Variants in SAXO1 observed in about 807,000 individuals in gnomAD.
The protein encoded by SAXO1 is stabilizer of axonemal microtubules 1, also known as 4930500O09Rik.
A neutral mutation model predicts 17.5 loss-of-function variants in SAXO1; 21 were observed. That is an observed-to-expected ratio of 1.20 (90% confidence interval 0.85 to 1.72). SAXO1 has a LOEUF of 1.72. Ranked by LOEUF, SAXO1 falls within the 40% of genes most tolerant of loss-of-function variation. The pLI, the probability that SAXO1 is intolerant of heterozygous loss-of-function variation, is 0.00. For missense variants in SAXO1, 843 were observed against 596.0 expected, an observed-to-expected ratio of 1.41 and a Z score of -4.32; for synonymous variants, 274 against 216.5, an observed-to-expected ratio of 1.27 and a Z score of -2.33.
chr9:19,011,097 T>C (rs1208302335), intron 1 of SAXO1, among the ~76,000 whole-genome samples: 2 of 152,242 alleles, frequency 1.3e-5, no homozygotes. Context: ...TTCAGTTGCA[T>C]AGATTTTAAA....
intron 1 of SAXO1, among the ~76,000 whole-genome samples, chr9:18,966,442 T>C (rs2131776975): frequency 6.6e-6 from 1 of 152,358 alleles, no homozygotes; most frequent in Non-Finnish European, 1.5e-5. Flanking sequence ...TTTTTCCTTT[T>C]CATTCTTTTT....
chr9:19,026,760 G>A, intron 1 of SAXO1: 1 of 426,528 alleles, frequency 2.3e-6, no homozygotes, highest in Non-Finnish European at 4.4e-6. Context: ...GCCGGGCGTG[G>A]TAGCTCACAC....
chr9:19,032,473 A>G (rs558861995), intron 1 of SAXO1, among the ~76,000 whole-genome samples: 5 of 152,236 alleles, frequency 3.3e-5, no homozygotes, highest in Non-Finnish European at 7.3e-5. Flanking sequence ...ATCTCTCTGA[A>G]TGAGAAATTC....
upstream of SAXO1, among the ~76,000 whole-genome samples, chr9:19,036,467 A>T (rs1351003089): frequency 6.6e-6 from 1 of 151,724 alleles, no homozygotes; most frequent in Admixed American, 6.6e-5. Context: ...AAATGGTTTC[A>T]TGGGCCGGGA....
At chr9:18,978,419 G>A (rs1289695376) in intron 1 of SAXO1, among the ~76,000 whole-genome samples, 3 of 152,188 alleles carry the variant, frequency 2.0e-5, no homozygotes, top group African/African-American at 7.2e-5. Flanking sequence ...CTGGGGAGGA[G>A]ATGCCCAGCT....
chr9:18,990,220 A>G (rs1588489206), intron 1 of SAXO1, among the ~76,000 whole-genome samples: 1 of 151,386 alleles, frequency 6.6e-6, no homozygotes, highest in East Asian at 1.9e-4. Flanking sequence ...CCTACTTCCT[A>G]TAGCCTATAA....
In SAXO1 at chr9:18,964,751, C is replaced by G. The variant is rs1205974568; in HGVS notation, c.39-13814G>C. ...TTTGAAGGGTTTCTCATGTCTCTAA[C>G]TCCCTCAATTCTGTTCTGATCTTAG... On this transcript the variant is annotated intron_variant, in intron 1 of 3. Transcript: ENST00000380534. 2.0e-5 allele frequency among the ~76,000 whole-genome samples: 3 copies of G among 151,906 alleles called. No homozygotes were observed. The East Asian group carries it at 5.8e-4, about 29-fold the overall frequency.
At chr9:18,993,656 T>A (rs1244842667) in intron 1 of SAXO1, among the ~76,000 whole-genome samples, 1 of 152,108 alleles carries the variant, frequency 6.6e-6, no homozygotes, top group African/African-American at 2.4e-5. Context: ...GGCTCTGCTG[T>A]GGGTAGGATT....
At chr9:18,995,186 C>T (rs887489296) in intron 1 of SAXO1, among the ~76,000 whole-genome samples, 3 of 152,170 alleles carry the variant, frequency 2.0e-5, no homozygotes, top group African/African-American at 7.2e-5. Context: ...AATTATTTCC[C>T]TGTCTAAAAA....
intron 1 of SAXO1, among the ~76,000 whole-genome samples, chr9:18,954,612 C>G (rs1231481373): frequency 1.3e-5 from 2 of 152,136 alleles, no homozygotes; most frequent in Admixed American, 1.3e-4. Context: ...GCTGAGATCA[C>G]AGGCATGAGC....
At chr9:19,011,085 G>A (rs968614131) in intron 1 of SAXO1, among the ~76,000 whole-genome samples, 7 of 152,170 alleles carry the variant, frequency 4.6e-5, no homozygotes, top group Non-Finnish European at 7.3e-5. Flanking sequence ...TTATGTAGAT[G>A]TTTCAGTTGC....
chr9:18,962,784 C>T (rs1008140766), intron 1 of SAXO1, among the ~76,000 whole-genome samples: 22 of 152,140 alleles, frequency 1.4e-4, no homozygotes, highest in African/African-American at 5.3e-4. Flanking sequence ...GTTTCTTTTG[C>T]TGTGCAGAAG....
At chr9:19,028,374 T>G (rs936932583) in intron 1 of SAXO1, among the ~76,000 whole-genome samples, 10 of 152,054 alleles carry the variant, frequency 6.6e-5, no homozygotes, top group Non-Finnish European at 1.5e-4. Flanking sequence ...AGACTCCGTC[T>G]CAAAAAAAAT....
intron 1 of SAXO1, among the ~76,000 whole-genome samples, chr9:18,964,001 A>G (rs1832609123): frequency 6.6e-6 from 1 of 151,832 alleles, no homozygotes; most frequent in Non-Finnish European, 1.5e-5. Context: ...ATTTTGTCAA[A>G]GGCCTTTTCT....
At chr9:18,966,374 A>C (rs1832716745) in intron 1 of SAXO1, among the ~76,000 whole-genome samples, 1 of 152,192 alleles carries the variant, frequency 6.6e-6, no homozygotes, top group African/African-American at 2.4e-5. Context: ...TTTCAGGTAT[A>C]CCAATCAAAA....
intron 1 of SAXO1, among the ~76,000 whole-genome samples, chr9:19,009,205 T>TA (rs35135624): frequency 4.0e-5 from 6 of 150,614 alleles, no homozygotes; most frequent in African/African-American, 4.9e-5. Flanking sequence ...ATTTTTAGAG[T>TA]AAAAAAAAAT....
chr9:19,025,692 A>G (rs1191456807), intron 1 of SAXO1, among the ~76,000 whole-genome samples: 1 of 152,230 alleles, frequency 6.6e-6, no homozygotes, highest in Non-Finnish European at 1.5e-5. Context: ...ATTTCCTGCA[A>G]GATTGCACAA....
intron 2 of SAXO1, among the ~76,000 whole-genome samples, chr9:18,946,393 T>C (rs1831798288): frequency 6.6e-6 from 1 of 150,842 alleles, no homozygotes; most frequent in South Asian, 2.1e-4. Context: ...AGCCCTAAAT[T>C]CTGTACATAA....
chr9:18,982,169 C>A (rs924291669), intron 1 of SAXO1, among the ~76,000 whole-genome samples: 1 of 152,192 alleles, frequency 6.6e-6, no homozygotes, highest in Non-Finnish European at 1.5e-5. Context: ...AAACCTGCCA[C>A]AATCCTCAAT....
Sources: gnomAD v4.1 joint callset for allele counts (sites outside exome capture counted in the v4.1 genomes callset) on GRCh38, gnomAD v4.1.1 for gene constraint, MANE v1.5 for transcripts, NCBI Gene and HGNC (gene_info 2026-07-23, HGNC 2026-07-21) for gene names.